SCN9A: variants seen among roughly 807,000 people sequenced by gnomAD.
SCN9A encodes the protein sodium channel protein type 9 subunit alpha.
Under a neutral mutation model 187.0 loss-of-function variants are expected in SCN9A, and 131 were observed. That is an observed-to-expected ratio of 0.70 (90% CI 0.61 to 0.81). The LOEUF (loss-of-function observed/expected upper bound fraction) is 0.81, where lower values mean the gene tolerates loss of function less well. SCN9A is among the 30% of genes least tolerant of loss of function. The pLI is 0.00. For synonymous variants in SCN9A, 809 were observed against 808.6 expected (o/e 1.00, Z -0.01); for missense variants, 2,252 against 2,396.6 (o/e 0.94, Z 1.26).
intron 1 of SCN9A, among the ~76,000 whole-genome samples, chr2:166,371,635 A>G (rs573583431): frequency 1.3e-5 from 2 of 152,340 alleles, no homozygotes; most frequent in East Asian, 3.9e-4. Flanking sequence ...AAATATTTTT[A>G]TACAATTTTA....
At chr2:166,230,065 C>A (rs1695015702) in intron 21 of SCN9A, among the ~76,000 whole-genome samples, 1 of 152,124 alleles carries the variant, frequency 6.6e-6, no homozygotes, top group South Asian at 2.1e-4. Context: ...AGAAGGTTTG[C>A]AAACATTTTT....
At chr2:166,219,828 T>A (rs1209433690) in intron 24 of SCN9A, among the ~76,000 whole-genome samples, 1 of 152,104 alleles carries the variant, frequency 6.6e-6, no homozygotes, top group Non-Finnish European at 1.5e-5. Flanking sequence ...CACAAAAAAA[T>A]GATAAGTGGG....
intron 17 of SCN9A, among the ~76,000 whole-genome samples, chr2:166,263,840 C>T (rs1036238336): frequency 6.6e-6 from 1 of 151,954 alleles, no homozygotes; most frequent in African/African-American, 2.4e-5. Context: ...GATGATGCAG[C>T]TGCAAGCTGC....
At chr2:166,365,840 C>A (rs1380855997) in intron 1 of SCN9A, among the ~76,000 whole-genome samples, 1 of 152,126 alleles carries the variant, frequency 6.6e-6, no homozygotes, top group African/African-American at 2.4e-5. Context: ...TTTATCTCTT[C>A]ATTATCTCTT....
rs200618289 is a variant in SCN9A at position 166,277,208 on chromosome 2, G to A, written c.2649C>T (p.Val883=). ...AGCTCTTACCAAAGAGCTGCATGCC[G>A]ACCACAGCAAAAATGAAGACGATGA... The part of the protein sequence containing the change: ...LAIIVFIFAV[V]GMQLFGKSYK... Residue 883 remains valine (V), a synonymous_variant, in exon 16 of 27, where the codon GTC becomes GTT. Transcript: ENST00000642356. The A allele has an allele frequency of 4.2e-5, 67 of 1,614,052 alleles. No individual in the cohort carries two copies. The highest frequency in any genetic ancestry group is 1.8e-4 in the South Asian group (16 of 91,078).
chr2:166,366,954 G>A (rs1700431927), intron 1 of SCN9A, among the ~76,000 whole-genome samples: 1 of 152,148 alleles, frequency 6.6e-6, no homozygotes, highest in African/African-American at 2.4e-5. Context: ...TCAACTTCTT[G>A]CATTACTGAT....
At chr2:166,294,780 A>G (rs36090076) in intron 7 of SCN9A, 118 bp from the exon 8 acceptor site, 35,302 of 536,150 alleles carry the variant, frequency 0.066, 1,326 homozygotes, top group Middle Eastern at 0.11. Context: ...GGTCCCAGGC[A>G]ATATGCATCC....
intron 24 of SCN9A, among the ~76,000 whole-genome samples, chr2:166,222,492 GT>G (rs775575711): frequency 3.3e-5 from 5 of 152,088 alleles, no homozygotes; most frequent in Non-Finnish European, 7.4e-5. Context: ...GCTGGGCATG[GT>G]GGCACATGCC....
At chr2:166,334,206 G>A (rs1323628635) in intron 1 of SCN9A, among the ~76,000 whole-genome samples, 3 of 152,104 alleles carry the variant, frequency 2.0e-5, no homozygotes, top group Non-Finnish European at 4.4e-5. Context: ...ATTTTAAAAT[G>A]TGAAAGAACT....
intron 14 of SCN9A, among the ~76,000 whole-genome samples, chr2:166,280,095 C>T (rs1697410376): frequency 6.6e-6 from 1 of 152,132 alleles, no homozygotes; most frequent in African/African-American, 2.4e-5. Flanking sequence ...AAGAAATATG[C>T]TGGCAGAAAA....
chr2:166,304,143 C>G lies in SCN9A; in HGVS notation c.688+95G>C, dbSNP rs374011315. 2.9e-4 allele frequency: 466 copies of G among 1,612,842 alleles called. 6 individuals carry two copies. The South Asian group carries it at 4.9e-3, about 17-fold the overall frequency. On this transcript the variant is annotated intron_variant, in intron 6 of 26. Coordinates refer to ENST00000642356, the MANE Select transcript of SCN9A (RefSeq NM_001365536.1). Reference sequence around the variant, plus strand: ...CATATCTGTAATAGGGGAGTTTATACACACAGTGACGACACACACACAAAC... The same window carrying G: ...CATATCTGTAATAGGGGAGTTTATAGACACAGTGACGACACACACACAAAC...
At chr2:166,204,684 T>A (rs977194746) in intron 24 of SCN9A, 2 of 284,790 alleles carry the variant, frequency 7.0e-6, no homozygotes, top group Non-Finnish European at 1.3e-5. Context: ...ATATTTGTAT[T>A]ACATATAATA....
chr2:166,364,872 C>T (rs183115017), intron 1 of SCN9A, among the ~76,000 whole-genome samples: 3 of 152,086 alleles, frequency 2.0e-5, no homozygotes, highest in South Asian at 2.1e-4. Flanking sequence ...AATTCACTAG[C>T]GTGTTTTGAG....
intron 5 of SCN9A, 36 bp from the exon 6 acceptor site, chr2:166,304,365 T>C: frequency 6.4e-7 from 1 of 1,569,818 alleles, no homozygotes; most frequent in Non-Finnish European, 8.8e-7. Flanking sequence ...AGAATTTAGA[T>C]AGAGTCTATG....
chr2:166,293,458 T>G, intron 8 of SCN9A, 86 bp from the exon 9 acceptor site: 1 of 1,197,670 alleles, frequency 8.3e-7, no homozygotes, highest in Non-Finnish European at 1.1e-6. Flanking sequence ...AACTCAAGGT[T>G]TCTTCTATAG....
chr2:166,272,898 G>T, intron 16 of SCN9A, 23 bp from the exon 17 acceptor site: 1 of 1,147,362 alleles, frequency 8.7e-7, no homozygotes, highest in Non-Finnish European at 1.2e-6. Context: ...GGGGAGAGGG[G>T]GTAGAGAAAT....
chr2:166,203,888 CT>C lies in SCN9A; in HGVS notation c.4774+66del. The C allele has an allele frequency of 4.1e-6, 4 of 970,274 alleles. No homozygotes were observed. The Admixed American group carries it at 1.0e-4, about 24-fold the overall frequency. 60.1% of individuals were successfully genotyped at this position (970,274 alleles called of 1,614,324 possible). ...TTTGTGTTCAAGAATTCAGCATATA[CT>C]TCCTTGAGCATAAGTGAAGTTTAGC... On this transcript the variant is annotated intron_variant, in intron 26 of 26. Coordinates refer to ENST00000642356, the MANE Select transcript of SCN9A (RefSeq NM_001365536.1).
Position 166,218,170 on chromosome 2 carries a change from C to A in SCN9A, c.4398+8397G>T, listed in dbSNP as rs188988648. ...AAAGAACAAATTTTGTCATTCATCC[C>A]AACATGAATGAAACTAAAGGACGTT... is the stretch of plus-strand genomic sequence containing the variant. On this transcript the variant is annotated intron_variant, in intron 24 of 26. Transcript: ENST00000642356. 2.5e-3 allele frequency among the ~76,000 whole-genome samples: 363 copies of A among 148,018 alleles called. 3 individuals are homozygous for A. Among genetic ancestry groups the A allele is most frequent in the Middle Eastern group, 3.8e-3 (1 of 266 alleles).
intron 12 of SCN9A, 70 bp from the exon 13 acceptor site, chr2:166,281,878 G>A: frequency 7.1e-7 from 1 of 1,413,966 alleles, no homozygotes; most frequent in Non-Finnish European, 9.6e-7. Flanking sequence ...ATAAAATCTT[G>A]CTTATATAGC....
Sources: gnomAD v4.1 joint callset for allele counts (sites outside exome capture counted in the v4.1 genomes callset) on GRCh38, gnomAD v4.1.1 for gene constraint, MANE v1.5 for transcripts, NCBI Gene and HGNC (gene_info 2026-07-23, HGNC 2026-07-21) for gene names.